CCDC191: variants seen among roughly 807,000 people sequenced by gnomAD.
The protein encoded by CCDC191 is coiled-coil domain-containing protein 191.
In CCDC191, 99 loss-of-function variants were observed where a neutral mutation model predicts 114.0. That is an observed-to-expected ratio of 0.87 (90% confidence interval 0.74 to 1.03). The LOEUF (loss-of-function observed/expected upper bound fraction) is 1.03, where lower values mean the gene tolerates loss of function less well. Among genes scored for constraint, CCDC191 ranks in the 50% least tolerant of loss-of-function variants. The probability of loss-of-function intolerance (pLI) is 0.00; values close to 1 mark genes in which losing one functional copy is unlikely to be tolerated. For synonymous variants in CCDC191, 351 were observed against 376.0 expected (o/e 0.93, Z 0.77); for missense variants, 973 against 1,087.0 (o/e 0.90, Z 1.47).
intron 16 of CCDC191, among the ~76,000 whole-genome samples, chr3:113,967,075 G>A (rs1940252963): frequency 6.6e-6 from 1 of 151,736 alleles, no homozygotes. Flanking sequence ...TTCCAGCCTG[G>A]GTAACAGAGT....
At chr3:113,998,501 G>A (rs1357842183) in intron 13 of CCDC191, among the ~76,000 whole-genome samples, 3 of 152,088 alleles carry the variant, frequency 2.0e-5, no homozygotes, top group Admixed American at 6.5e-5. Context: ...TCCTGAGATC[G>A]CCCAATGGGC....
chr3:114,035,070 A>G lies in CCDC191; in HGVS notation c.673T>C (p.Leu225=). ...TCTTGCACCAGACACTGAGCCTCCA[A>G]GAAGGCCGATTTTTTCAGGGTCTTT... ...IEKTLKKSAF[L]EAQCLVQEEK... The change falls in exon 6 of 17, where the codon TTG becomes CTG. Residue 225 remains leucine, a synonymous_variant. Coordinates refer to ENST00000295878, the MANE Select transcript of CCDC191 (RefSeq NM_020817.2). The G allele has an allele frequency of 6.2e-7, 1 of 1,614,052 alleles. No homozygotes were observed. Among genetic ancestry groups the G allele is most frequent in the Non-Finnish European group, 8.5e-7 (1 of 1,179,980 alleles).
Position 114,031,855 on chromosome 3 carries a change from G to A in CCDC191, c.819-76C>T, listed in dbSNP as rs1029868074. The A allele has an allele frequency of 1.5e-5, 10 of 671,868 alleles. No individual in the cohort carries two copies. In the African/African-American group the frequency reaches 1.7e-4, roughly 11 times the overall value. 41.6% of individuals were successfully genotyped at this position (671,868 alleles called of 1,614,324 possible). On this transcript the variant is annotated intron_variant, in intron 6 of 16. Coordinates refer to ENST00000295878, the MANE Select transcript of CCDC191 (RefSeq NM_020817.2). ...TGAGCAATTACAACCTACTGTAGCA[G>A]AATAATCACTGAATTCTCCTTCGGA...
chr3:113,964,566 C>T lies in CCDC191; in HGVS notation c.*589G>A, dbSNP rs1306076368. The stretch of plus-strand genomic sequence containing the variant: ...AATGTCCTTCATGCTTATCAAGGTG[C>T]ACGGAAGAGAAGCATCTCTGGTGCC... On this transcript the variant is annotated 3_prime_UTR_variant, in exon 17 of 17. Transcript: ENST00000295878. 1 of 152,212 alleles carries T rather than the reference C, an allele frequency of 6.6e-6. No individual in the cohort carries two copies. Among genetic ancestry groups the T allele is most frequent in the East Asian group, 1.9e-4 (1 of 5,200 alleles). The allele number at this position is 152,212 out of a possible 1,614,324, so 9.4% of individuals were successfully genotyped here.
intron 7 of CCDC191, among the ~76,000 whole-genome samples, chr3:114,021,129 A>C (rs1244148803): frequency 6.6e-6 from 1 of 152,174 alleles, no homozygotes. Context: ...CTGAAAAAGA[A>C]AGGCACATTT....
chr3:114,037,955 CT>C (rs1236985500), intron 4 of CCDC191, among the ~76,000 whole-genome samples: 4 of 152,120 alleles, frequency 2.6e-5, no homozygotes, highest in Non-Finnish European at 5.9e-5. Flanking sequence ...GCTTTCTTTT[CT>C]GTTGGGAAAA....
chr3:114,004,165 G>C (rs2075903881), intron 11 of CCDC191: 13 of 956,078 alleles, frequency 1.4e-5, no homozygotes, highest in Non-Finnish European at 1.5e-5. Context: ...TATCTGGTTT[G>C]TAGGTTTTAT....
chr3:114,052,025 T>C (rs1164100594), intron 2 of CCDC191, among the ~76,000 whole-genome samples: 2 of 152,130 alleles, frequency 1.3e-5, no homozygotes, highest in Non-Finnish European at 2.9e-5. Flanking sequence ...TTCTGTGGAA[T>C]GGTAAGAAAT....
At chr3:114,041,614 T>C (rs2076561861) in intron 4 of CCDC191, among the ~76,000 whole-genome samples, 1 of 152,078 alleles carries the variant, frequency 6.6e-6, no homozygotes, top group African/African-American at 2.4e-5. Context: ...GCGAGGAGGG[T>C]AGATCAGACT....
In CCDC191 at chr3:114,004,654, G is replaced by A. The variant is rs746341909; in HGVS notation, c.1961C>T (p.Pro654Leu). 9 of 1,611,872 alleles carry A rather than the reference G, an allele frequency of 5.6e-6. No individual in the cohort carries two copies. The highest frequency in any genetic ancestry group is 2.2e-5 in the East Asian group (1 of 44,786). ...AGCCCTGCCTTTTAGTATGGGATGC[G>A]GTGTCATCAATTGCTTTGGTTTCCT... ...LRRKPKQLMT[P>L]HPILKAMEER... is the part of the protein sequence containing the mutation. The change falls in exon 11 of 17, where the codon CCG (proline) becomes CTG (leucine). Residue 654 changes from proline to leucine, a missense_variant. Pro to Leu is a moderately conservative substitution (Grantham distance 98). Coordinates refer to ENST00000295878, the MANE Select transcript of CCDC191 (RefSeq NM_020817.2).
intron 8 of CCDC191, among the ~76,000 whole-genome samples, chr3:114,013,768 C>T: frequency 6.6e-6 from 1 of 152,152 alleles, no homozygotes. Flanking sequence ...ATGAACCTTG[C>T]TGCCCAGGAT....
chr3:114,051,877 A>T (rs2076702606), intron 2 of CCDC191, among the ~76,000 whole-genome samples: 1 of 152,228 alleles, frequency 6.6e-6, no homozygotes, highest in Non-Finnish European at 1.5e-5. Context: ...GCAGCAGGAA[A>T]AAAACAGTTA....
At chr3:114,054,422 A>G (rs2076738064) in intron 1 of CCDC191, among the ~76,000 whole-genome samples, 1 of 152,116 alleles carries the variant, frequency 6.6e-6, no homozygotes, top group Admixed American at 6.5e-5. Flanking sequence ...CACAAGGTCA[A>G]GAGATCAAGA....
Position 114,018,815 on chromosome 3 carries a change from A to C in CCDC191, c.1026T>G (p.Ile342Met), listed in dbSNP as rs746413349. Residue 342 changes from isoleucine to methionine, a missense_variant, in exon 8 of 17, where the codon ATT (isoleucine) becomes ATG (methionine). Coordinates refer to ENST00000295878, the MANE Select transcript of CCDC191 (RefSeq NM_020817.2). ...ACAGGGTCCCAGCTTTCCCCAGCTT[A>C]ATCCTATGATCAAGAATCAGCTTGT... is the stretch of plus-strand genomic sequence containing the variant. Reference protein sequence around the residue: ...AWHKLILDHRIKLGKAGTLSD... With the variant: ...AWHKLILDHRMKLGKAGTLSD... 1 of 1,613,870 alleles carries C rather than the reference A, an allele frequency of 6.2e-7. No individual in the cohort carries two copies. The highest frequency in any genetic ancestry group is 8.5e-7 in the Non-Finnish European group (1 of 1,179,844).
intron 4 of CCDC191, 86 bp from the exon 5 acceptor site, chr3:114,036,872 T>C: frequency 1.1e-6 from 1 of 878,112 alleles, no homozygotes; most frequent in Non-Finnish European, 1.6e-6. Context: ...AGAATCCTAG[T>C]ACAATAAAAA....
intron 13 of CCDC191, among the ~76,000 whole-genome samples, chr3:113,981,537 T>C (rs963892914): frequency 6.6e-6 from 1 of 152,156 alleles, no homozygotes; most frequent in Non-Finnish European, 1.5e-5. Context: ...ACACCTGCAG[T>C]GAAAGACACA....
At chr3:114,016,333 C>A (rs1454349448) in intron 8 of CCDC191, among the ~76,000 whole-genome samples, 1 of 152,174 alleles carries the variant, frequency 6.6e-6, no homozygotes, top group Non-Finnish European at 1.5e-5. Context: ...GAGGAAGCAA[C>A]TGAGTTCTTC....
intron 4 of CCDC191, among the ~76,000 whole-genome samples, chr3:114,039,907 T>G (rs565984225): frequency 6.6e-6 from 1 of 152,278 alleles, no homozygotes; most frequent in East Asian, 1.9e-4. Context: ...AATATGTTTT[T>G]ATAAATTCAG....
In CCDC191 at chr3:114,046,585, TC is replaced by T; in HGVS notation, c.271+5del. 6.6e-7 allele frequency: 1 copy of T among 1,520,370 alleles called. No individual in the cohort carries two copies. Among genetic ancestry groups the T allele is most frequent in the Non-Finnish European group, 9.1e-7 (1 of 1,094,872 alleles). 94.2% of individuals were successfully genotyped at this position (1,520,370 alleles called of 1,614,324 possible). ...TAACATCGCAGCAGAAAATGCATTC[TC>T]TTACCTTCTGCATAGATTTCATCAT... On this transcript the variant is annotated splice_donor_5th_base_variant and intron_variant, in intron 3 of 16. Transcript: ENST00000295878.
Sources: allele counts gnomAD v4.1 joint callset (sites outside exome capture counted in the v4.1 genomes callset), GRCh38; gene constraint gnomAD v4.1.1; transcripts MANE v1.5; gene names NCBI Gene and HGNC (gene_info 2026-07-23, HGNC 2026-07-21).